Variants in ROBO2 observed in about 807,000 individuals in gnomAD.
ROBO2 encodes roundabout guidance receptor 2, also known as roundabout homolog 2.
A neutral mutation model predicts 160.8 loss-of-function variants in ROBO2; 53 were observed. The ratio of observed to expected loss-of-function variants is 0.33; its 90% confidence interval spans 0.26 to 0.41. The LOEUF is 0.41. Ranked by LOEUF, ROBO2 falls within the 10% of genes least tolerant of loss-of-function variation. ROBO2 has a pLI of 1.00. For synonymous variants in ROBO2, 664 were observed against 611.7 expected (o/e 1.09, Z -1.26); for missense variants, 1,577 against 1,722.4 (o/e 0.92, Z 1.49).
At chr3:77,549,186 T>G (rs1349272263) in intron 7 of ROBO2, among the ~76,000 whole-genome samples, 1 of 151,984 alleles carries the variant, frequency 6.6e-6, no homozygotes, top group Admixed American at 6.6e-5. Flanking sequence ...TAATGCCATT[T>G]TCCATGTCAA....
At chr3:76,311,322 G>A (rs1025910718) in intron 2 of ROBO2, 3 of 152,196 alleles carry the variant, frequency 2.0e-5, no homozygotes, top group Non-Finnish European at 4.4e-5. Context: ...AAAATTACTA[G>A]GCTTGAACTT....
chr3:77,474,401 A>G (rs2083731394), intron 2 of ROBO2, among the ~76,000 whole-genome samples: 1 of 152,110 alleles, frequency 6.6e-6, no homozygotes, highest in Non-Finnish European at 1.5e-5. Flanking sequence ...GGCAAAGGGG[A>G]CGCTTTCCCT....
intron 2 of ROBO2, among the ~76,000 whole-genome samples, chr3:77,333,586 C>T (rs1239839554): frequency 1.3e-5 from 2 of 152,170 alleles, no homozygotes; most frequent in South Asian, 2.1e-4. Context: ...TCATGTGACT[C>T]ATGAAAGCAA....
chr3:76,256,767 A>T (rs191196992), intron 2 of ROBO2, among the ~76,000 whole-genome samples: 1 of 152,020 alleles, frequency 6.6e-6, no homozygotes, highest in East Asian at 1.9e-4. Flanking sequence ...GTAATTTATA[A>T]GAAAAAGAGA....
chr3:77,098,750 G>A (rs1218698760), intron 2 of ROBO2, among the ~76,000 whole-genome samples: 2 of 152,072 alleles, frequency 1.3e-5, no homozygotes, highest in African/African-American at 4.8e-5. Flanking sequence ...CAGCTACTCG[G>A]GAGGCTGAGG....
At chr3:76,382,260 G>C (rs968740441) in intron 2 of ROBO2, among the ~76,000 whole-genome samples, 13 of 152,096 alleles carry the variant, frequency 8.5e-5, no homozygotes, top group East Asian at 1.9e-4. Context: ...GAGCCACAGC[G>C]CTCGGCCTCG....
chr3:76,752,056 T>C (rs1040051473), intron 2 of ROBO2, among the ~76,000 whole-genome samples: 1 of 152,100 alleles, frequency 6.6e-6, no homozygotes, highest in Admixed American at 6.6e-5. Context: ...TGTCCATCAA[T>C]GATAGACTAG....
chr3:76,351,346 AGTAAT>A (rs950158004), intron 2 of ROBO2, among the ~76,000 whole-genome samples: 3 of 151,960 alleles, frequency 2.0e-5, no homozygotes, highest in African/African-American at 4.8e-5. Flanking sequence ...CTATGTTAAA[AGTAAT>A]GTAAGAGTTA....
At chr3:77,453,213 T>A (rs2081294574) in intron 2 of ROBO2, among the ~76,000 whole-genome samples, 3 of 152,166 alleles carry the variant, frequency 2.0e-5, no homozygotes, top group African/African-American at 7.2e-5. Context: ...AAATAGGATA[T>A]CTTCTCCATC....
intron 2 of ROBO2, among the ~76,000 whole-genome samples, chr3:76,819,648 T>G (rs1277425853): frequency 6.6e-6 from 1 of 152,072 alleles, no homozygotes; most frequent in African/African-American, 2.4e-5. Context: ...GGGATTGTTG[T>G]GATTCTTTTT....
intron 2 of ROBO2, among the ~76,000 whole-genome samples, chr3:76,948,908 A>ATAT (rs1209284372): frequency 7.6e-4 from 19 of 24,968 alleles, no homozygotes; most frequent in African/African-American, 2.2e-3. Flanking sequence ...ATATATATAT[A>ATAT]TTTTTTTTTT....
intron 2 of ROBO2, among the ~76,000 whole-genome samples, chr3:77,166,577 T>C (rs1172711046): frequency 6.6e-6 from 1 of 151,790 alleles, no homozygotes; most frequent in Non-Finnish European, 1.5e-5. Flanking sequence ...TTGTTTGTTT[T>C]AGGCGGAGTC....
intron 2 of ROBO2, among the ~76,000 whole-genome samples, chr3:76,859,744 ATCT>A (rs1230012049): frequency 9.9e-5 from 15 of 152,120 alleles, no homozygotes; most frequent in East Asian, 1.9e-4. Context: ...GTGGCCACAC[ATCT>A]TCTTGCTATT....
At chr3:76,441,410 T>G (rs958094922) in intron 2 of ROBO2, among the ~76,000 whole-genome samples, 1 of 152,144 alleles carries the variant, frequency 6.6e-6, no homozygotes, top group African/African-American at 2.4e-5. Flanking sequence ...ATAAAGAAAC[T>G]GTTGGTCGAA....
At chr3:77,348,089 A>G (rs909223333) in intron 2 of ROBO2, among the ~76,000 whole-genome samples, 1 of 151,924 alleles carries the variant, frequency 6.6e-6, no homozygotes, top group Non-Finnish European at 1.5e-5. Flanking sequence ...AAAAGCTTTT[A>G]CCAGACAGGG....
At chr3:76,392,770 C>T (rs2077220226) in intron 2 of ROBO2, among the ~76,000 whole-genome samples, 1 of 152,012 alleles carries the variant, frequency 6.6e-6, no homozygotes, top group Non-Finnish European at 1.5e-5. Flanking sequence ...TTTAAATCTA[C>T]CAAGTTCTAC....
intron 2 of ROBO2, among the ~76,000 whole-genome samples, chr3:76,639,435 C>CGT (rs747907800): frequency 2.7e-5 from 4 of 148,690 alleles, no homozygotes; most frequent in African/African-American, 5.0e-5. Flanking sequence ...TAAACATATA[C>CGT]GTGTATATAT....
chr3:77,565,193 G>A (rs1431714729), intron 12 of ROBO2, 73 bp downstream of exon 13: 3 of 1,514,238 alleles, frequency 2.0e-6, no homozygotes, highest in Middle Eastern at 1.8e-4. Flanking sequence ...GGGGCTTGAT[G>A]AGGAAATATA....
intron 2 of ROBO2, among the ~76,000 whole-genome samples, chr3:76,271,956 A>G (rs530963717): frequency 2.6e-5 from 4 of 152,212 alleles, no homozygotes; most frequent in African/African-American, 9.6e-5. Flanking sequence ...TCTAGTTCCC[A>G]TTCTAGTTGT....
Sources: gnomAD v4.1 joint callset for allele counts (sites outside exome capture counted in the v4.1 genomes callset) on GRCh38, gnomAD v4.1.1 for gene constraint, MANE v1.5 for transcripts, NCBI Gene and HGNC (gene_info 2026-07-23, HGNC 2026-07-21) for gene names.